The following ANKMY2 variants were observed in gnomAD, a reference collection of about 807,000 sequenced individuals.
The protein encoded by ANKMY2 is ankyrin repeat and MYND domain-containing protein 2.
ANKMY2 carries 36 observed loss-of-function variants against 50.4 expected under a neutral mutation model. That is an observed-to-expected ratio of 0.71 (90% CI 0.55 to 0.94). ANKMY2 has a LOEUF of 0.94. Among genes scored for constraint, ANKMY2 ranks in the 40% least tolerant of loss-of-function variants. The pLI is 0.00. For missense variants in ANKMY2, 565 were observed against 524.0 expected, an observed-to-expected ratio of 1.08 and a Z score of -0.76; for synonymous variants, 187 against 178.8, an observed-to-expected ratio of 1.05 and a Z score of -0.36.
At chr7:16,609,171 A>T (rs1048398997) in intron 7 of ANKMY2, among the ~76,000 whole-genome samples, 1 of 152,192 alleles carries the variant, frequency 6.6e-6, no homozygotes, top group Non-Finnish European at 1.5e-5. Flanking sequence ...AAGCTGAGGC[A>T]TACTTTGAGA....
intron 1 of ANKMY2, among the ~76,000 whole-genome samples, chr7:16,636,926 A>AAT (rs1177029887): frequency 6.6e-6 from 1 of 152,200 alleles, no homozygotes; most frequent in Non-Finnish European, 1.5e-5. Flanking sequence ...TTGGTTTGGA[A>AAT]ATACTTAGGT....
intron 4 of ANKMY2, among the ~76,000 whole-genome samples, chr7:16,623,957 T>C (rs1781475694): frequency 6.6e-6 from 1 of 152,120 alleles, no homozygotes; most frequent in South Asian, 2.1e-4. Context: ...GTTACTATCC[T>C]CCACACCTAA....
rs753187437 is a variant in ANKMY2 at position 16,627,145 on chromosome 7, T to C, written c.166A>G (p.Lys56Glu). Residue 56 changes from lysine to glutamate, a missense_variant, in exon 3 of 10, where the codon AAA becomes GAA. Lys to Glu is a moderately conservative substitution (Grantham distance 56). Transcript: ENST00000306999. ...GMTPLMHAAY[K>E]GKLDMCKLLL... Reference sequence around the variant, plus strand: ...AATTTGCACATATCGAGTTTTCCTTTATATGCTGCATGCATTAGAGGAGTC... The same window carrying C: ...AATTTGCACATATCGAGTTTTCCTTCATATGCTGCATGCATTAGAGGAGTC... 4.4e-6 allele frequency: 7 copies of C among 1,606,720 alleles called. No homozygotes were observed. The South Asian group carries it at 6.6e-5, about 15-fold the overall frequency.
intron 5 of ANKMY2, among the ~76,000 whole-genome samples, chr7:16,615,450 T>C (rs993874187): frequency 2.6e-5 from 4 of 152,152 alleles, no homozygotes; most frequent in South Asian, 2.1e-4. Flanking sequence ...TTTGCCTCTC[T>C]GGAGCCACTC....
At chr7:16,639,940 A>G (rs1163932772) in intron 1 of ANKMY2, among the ~76,000 whole-genome samples, 1 of 151,950 alleles carries the variant, frequency 6.6e-6, no homozygotes, top group East Asian at 1.9e-4. Flanking sequence ...CGGATGGATC[A>G]CCTGAGGTCA....
chr7:16,612,161 C>T (rs78980526), intron 5 of ANKMY2, among the ~76,000 whole-genome samples: 1 of 152,132 alleles, frequency 6.6e-6, no homozygotes, highest in African/African-American at 2.4e-5. Context: ...CCTGTTACAG[C>T]TAAATCAATA....
At chr7:16,641,885 C>T (rs1781750529) in intron 1 of ANKMY2, among the ~76,000 whole-genome samples, 1 of 152,010 alleles carries the variant, frequency 6.6e-6, no homozygotes, top group African/African-American at 2.4e-5. Flanking sequence ...TTAGTGGTTG[C>T]CTGCAGATGG....
intron 2 of ANKMY2, among the ~76,000 whole-genome samples, chr7:16,630,320 A>T (rs1781564979): frequency 6.6e-6 from 1 of 152,182 alleles, no homozygotes; most frequent in South Asian, 2.1e-4. Flanking sequence ...AAAAATATCT[A>T]GATGAATTTT....
chr7:16,642,425 T>G (rs1407450354), intron 1 of ANKMY2, among the ~76,000 whole-genome samples: 2 of 152,182 alleles, frequency 1.3e-5, no homozygotes, highest in Non-Finnish European at 2.9e-5. Flanking sequence ...GAAACAGATT[T>G]TCATTTTCAT....
At chr7:16,608,887 G>T (rs1405871602) in intron 7 of ANKMY2, among the ~76,000 whole-genome samples, 1 of 152,120 alleles carries the variant, frequency 6.6e-6, no homozygotes, top group Non-Finnish European at 1.5e-5. Context: ...TATAGTCCCA[G>T]CCACTCAGGA....
At chr7:16,644,435 T>C (rs1368157271) in intron 1 of ANKMY2, among the ~76,000 whole-genome samples, 1 of 152,222 alleles carries the variant, frequency 6.6e-6, no homozygotes, top group African/African-American at 2.4e-5. Flanking sequence ...ATGTGGAGTT[T>C]CCTTGTCGCT....
At chr7:16,637,126 G>C (rs924135305) in intron 1 of ANKMY2, among the ~76,000 whole-genome samples, 35 of 152,200 alleles carry the variant, frequency 2.3e-4, no homozygotes, top group African/African-American at 8.0e-4. Context: ...ACTTGCAGGA[G>C]AGAATGTTGC....
At chr7:16,624,846 A>G (rs1781487949) in intron 4 of ANKMY2, 137 bp downstream of exon 4, 1 of 655,102 alleles carries the variant, frequency 1.5e-6, no homozygotes, top group Admixed American at 2.9e-5. Context: ...TGTTTCATTA[A>G]GTTACAGTGG....
chr7:16,617,004 A>C (rs1321636379), intron 4 of ANKMY2, among the ~76,000 whole-genome samples: 3 of 152,158 alleles, frequency 2.0e-5, no homozygotes, highest in Non-Finnish European at 4.4e-5. Context: ...CTTGTGCCTC[A>C]GCTGGTTTGC....
intron 8 of ANKMY2, among the ~76,000 whole-genome samples, chr7:16,604,061 G>C (rs1283638158): frequency 1.3e-5 from 2 of 152,232 alleles, no homozygotes; most frequent in African/African-American, 4.8e-5. Flanking sequence ...AGCTGAAGAA[G>C]TAGGTCACAG....
chr7:16,606,315 G>A (rs1055064842), intron 7 of ANKMY2, among the ~76,000 whole-genome samples: 15 of 152,164 alleles, frequency 9.9e-5, no homozygotes, highest in African/African-American at 3.4e-4. Context: ...TGTAGTCCCA[G>A]CTACTTGGGA....
At chr7:16,636,355 G>C in intron 2 of ANKMY2, 36 bp downstream of exon 2, 1 of 814,216 alleles carries the variant, frequency 1.2e-6, no homozygotes, top group Non-Finnish European at 1.9e-6. Flanking sequence ...CTTCTTATAG[G>C]AAGTAAAATC....
At position 16,600,620 on chromosome 7, in the gene ANKMY2, G is replaced by C. The variant is rs1381693099; in HGVS notation, c.*141C>G. 1.7e-6 allele frequency: 1 copy of C among 595,174 alleles called. No individual in the cohort carries two copies. The highest frequency in any genetic ancestry group is 2.5e-6 in the Non-Finnish European group (1 of 392,162). The allele number at this position is 595,174 out of a possible 1,614,324, so 36.9% of individuals were successfully genotyped here. A position where few individuals can be genotyped will look rare whatever the true frequency, so the allele number is the denominator to read the frequency against. On this transcript the variant is annotated 3_prime_UTR_variant, in exon 10 of 10. Coordinates refer to ENST00000306999, the MANE Select transcript of ANKMY2 (RefSeq NM_020319.3). ...ATTAGGGCATGGTCAACAGGGGTTT[G>C]CTTGAAAACCTGTATTCTATGAAAT... is the stretch of plus-strand genomic sequence containing the variant.
chr7:16,600,632 G>A lies in ANKMY2; in HGVS notation c.*129C>T, dbSNP rs1781034448. On this transcript the variant is annotated 3_prime_UTR_variant, in exon 10 of 10. Transcript: ENST00000306999. ...TCAACAGGGGTTTGCTTGAAAACCT[G>A]TATTCTATGAAATGTGGAATCCTGC... 7 of 724,528 alleles carry A rather than the reference G, an allele frequency of 9.7e-6. No individual in the cohort carries two copies. The highest frequency in any genetic ancestry group is 6.0e-6 in the Non-Finnish European group (3 of 496,306). The allele number at this position is 724,528 out of a possible 1,614,324, so 44.9% of individuals were successfully genotyped here. A position where few individuals can be genotyped will look rare whatever the true frequency, so the allele number is the denominator to read the frequency against.
Sources: gnomAD v4.1 joint callset for allele counts (sites outside exome capture counted in the v4.1 genomes callset) on GRCh38, gnomAD v4.1.1 for gene constraint, MANE v1.5 for transcripts, NCBI Gene and HGNC (gene_info 2026-07-23, HGNC 2026-07-21) for gene names.